The following SYNJ2 variants were observed in gnomAD, a reference collection of about 807,000 sequenced individuals.
SYNJ2 encodes polyphosphatidylinositol phosphatase SYNJ2.
SYNJ2 carries 116 observed loss-of-function variants against 141.3 expected under a neutral mutation model. The ratio of observed to expected loss-of-function variants is 0.82; its 90% CI spans 0.71 to 0.96. SYNJ2 has a LOEUF of 0.96. SYNJ2 is among the 40% of genes least tolerant of loss of function. The probability of loss-of-function intolerance (pLI) is 0.00; values close to 1 mark genes in which losing one functional copy is unlikely to be tolerated. For missense variants in SYNJ2, 1,873 were observed against 1,934.8 expected (o/e 0.97, Z 0.60); for synonymous variants, 745 against 777.7 (o/e 0.96, Z 0.70).
intron 2 of SYNJ2, chr6:158,028,159 G>A (rs138991150): frequency 2.6e-5 from 4 of 155,316 alleles, no homozygotes; most frequent in Non-Finnish European, 4.3e-5. Context: ...GTGGGGCAGG[G>A]ATGGGCTGCA....
rs1239100124 is a variant in SYNJ2, at chr6:157,982,021, C to T, written c.60C>T (p.Ser20=). Residue 20 remains serine, a synonymous_variant, in exon 1 of 27, where the codon AGC becomes AGT. Transcript: ENST00000355585. The surrounding 1 kb of genome is among the most constrained non-coding windows in gnomAD (Gnocchi z 4.0). ...GCCTGGGGGCCGAGGGGGACTGTAG[C>T]GTGCTGCTGGAGGCGCGCGGCCGCG... The part of the protein sequence containing the change: ...LGRLGAEGDC[S]VLLEARGRDD... The T allele has an allele frequency of 7.5e-7, 1 of 1,329,214 alleles. No individual in the cohort carries two copies. 82.3% of individuals were successfully genotyped at this position (1,329,214 alleles called of 1,614,324 possible).
At chr6:158,033,402 A>G in intron 3 of SYNJ2, 53 bp from the exon 4 acceptor site, 1 of 1,577,766 alleles carries the variant, frequency 6.3e-7, no homozygotes, top group Non-Finnish European at 8.7e-7. Context: ...TCCAGGCAGC[A>G]TGTATTGGAG....
At chr6:158,020,171 A>G (rs1192984827) in intron 2 of SYNJ2, among the ~76,000 whole-genome samples, 5 of 148,228 alleles carry the variant, frequency 3.4e-5, no homozygotes, top group African/African-American at 1.0e-4. Context: ...TATGACTCCA[A>G]TTGTGTGACC....
chr6:158,033,826 C>T (rs898512618), intron 4 of SYNJ2, 146 bp downstream of exon 4: 7 of 761,096 alleles, frequency 9.2e-6, no homozygotes, highest in Non-Finnish European at 1.2e-5. Flanking sequence ...GAGAACAGCA[C>T]GTGTAATTGG....
intron 1 of SYNJ2, among the ~76,000 whole-genome samples, chr6:158,014,416 T>A (rs149050471): frequency 1.8e-3 from 271 of 152,376 alleles, no homozygotes; most frequent in African/African-American, 6.3e-3. Flanking sequence ...GACAAAAATG[T>A]TGCAACCTGA....
At chr6:158,007,209 C>A (rs1778105923) in intron 1 of SYNJ2, among the ~76,000 whole-genome samples, 1 of 151,586 alleles carries the variant, frequency 6.6e-6, no homozygotes, top group Non-Finnish European at 1.5e-5. Flanking sequence ...CTCAAGTGAT[C>A]CTCCCATCTC....
At chr6:158,066,878 C>T (rs1358898407) in intron 12 of SYNJ2, among the ~76,000 whole-genome samples, 1 of 152,154 alleles carries the variant, frequency 6.6e-6, no homozygotes, top group African/African-American at 2.4e-5. Flanking sequence ...TCTTTGCATA[C>T]AGTGATGGTG....
intron 5 of SYNJ2, among the ~76,000 whole-genome samples, chr6:158,053,838 A>G (rs1780706953): frequency 6.8e-6 from 1 of 146,344 alleles, no homozygotes; most frequent in Admixed American, 6.8e-5. Context: ...CCACCCATCC[A>G]TCCATCCTCA....
At chr6:158,025,418 G>A (rs905533835) in intron 2 of SYNJ2, among the ~76,000 whole-genome samples, 1 of 152,212 alleles carries the variant, frequency 6.6e-6, no homozygotes, top group Non-Finnish European at 1.5e-5. Flanking sequence ...GTTCACACCT[G>A]TAATCCCAGC....
intron 2 of SYNJ2, 45 bp from the exon 3 acceptor site, chr6:158,028,711 G>A (rs766445875): frequency 3.9e-5 from 63 of 1,595,026 alleles, no homozygotes; most frequent in Admixed American, 2.2e-4. Flanking sequence ...CCAGGCGGCC[G>A]GGCCGACTTC....
chr6:158,029,070 T>G, intron 3 of SYNJ2, 44 bp downstream of exon 3: 2 of 1,604,114 alleles, frequency 1.2e-6, no homozygotes, highest in Non-Finnish European at 1.7e-6. Flanking sequence ...CTGGGTCTCC[T>G]GCAGAGGGTG....
chr6:157,982,089 G>C lies in SYNJ2; in HGVS notation c.127+1G>C. Reference sequence around the variant, plus strand: ...GAGGCCGGCACGGTGGCCACGCTGGGTGAGTCCGGGCCGGGGGCAGCGACG... The same window carrying C: ...GAGGCCGGCACGGTGGCCACGCTGGCTGAGTCCGGGCCGGGGGCAGCGACG... On this transcript the variant is annotated splice_donor_variant, in intron 1 of 26. Transcript: ENST00000355585. LOFTEE classifies it high-confidence loss of function. The surrounding 1 kb of genome is among the most constrained non-coding windows in gnomAD (Gnocchi z 4.0). The C allele has an allele frequency of 7.5e-7, 1 of 1,333,062 alleles. No homozygotes were observed. Among genetic ancestry groups the C allele is most frequent in the East Asian group, 3.1e-5 (1 of 32,208 alleles). 82.6% of individuals were successfully genotyped at this position (1,333,062 alleles called of 1,614,324 possible).
rs1562351055 is a variant in SYNJ2 at position 158,043,002 on chromosome 6, G to A, written c.712-314G>A. On this transcript the variant is annotated intron_variant, in intron 4 of 26. Transcript: ENST00000355585. The surrounding 1 kb of genome is among the most constrained non-coding windows in gnomAD (Gnocchi z 4.0). ...ACTTCTATTCATACAGGGGGTGGCG[G>A]AAGGCTGTTCCTGGGATTTTCAGGG... Among the ~76,000 whole-genome samples, 1 of 152,222 alleles carries A rather than the reference G, an allele frequency of 6.6e-6. No homozygotes were observed. Among genetic ancestry groups the A allele is most frequent in the Non-Finnish European group, 1.5e-5 (1 of 68,034 alleles).
At position 158,069,589 on chromosome 6, in the gene SYNJ2, A is replaced by G. The variant is rs373258920; in HGVS notation, c.1856A>G (p.His619Arg). ...CTTCAGAAAGCCATCTCACGCTCTC[A>G]TAGATACATTCTGTTGACTTCGGCA... Reference protein sequence around the residue: ...EQLQKAISRSHRYILLTSAQL... With the variant: ...EQLQKAISRSRRYILLTSAQL... Residue 619 changes from histidine (H) to arginine (R), a missense_variant, in exon 14 of 27, where the codon CAT becomes CGT. Physicochemically the swap from His to Arg is conservative, Grantham distance 29. Coordinates refer to ENST00000355585, the MANE Select transcript of SYNJ2 (RefSeq NM_003898.4). The G allele has an allele frequency of 1.2e-6, 2 of 1,613,996 alleles. No individual in the cohort carries two copies. The highest frequency in any genetic ancestry group is 1.7e-6 in the Non-Finnish European group (2 of 1,179,990).
At chr6:158,063,996 A>T in intron 9 of SYNJ2, 124 bp downstream of exon 9, 1 of 986,994 alleles carries the variant, frequency 1.0e-6, no homozygotes, top group South Asian at 1.5e-5. Flanking sequence ...CCTTCTGACT[A>T]TGGGGAAGGT....
At chr6:158,055,491 T>C (rs1286790272) in intron 6 of SYNJ2, among the ~76,000 whole-genome samples, 4 of 148,736 alleles carry the variant, frequency 2.7e-5, no homozygotes, top group African/African-American at 1.0e-4. Context: ...TAGAAAACAA[T>C]TTTGGCATTT....
At chr6:158,083,735 A>G in intron 21 of SYNJ2, 138 bp downstream of exon 21, 1 of 1,187,436 alleles carries the variant, frequency 8.4e-7, no homozygotes. Context: ...CCATGTGATG[A>G]GCATGTTTGT....
At position 158,033,487 on chromosome 6, in the gene SYNJ2, A is replaced by C; in HGVS notation, c.518A>C (p.His173Pro). The C allele has an allele frequency of 6.2e-7, 1 of 1,614,212 alleles. No homozygotes were observed. Among genetic ancestry groups the C allele is most frequent in the Non-Finnish European group, 8.5e-7 (1 of 1,180,026 alleles). ...NQLLHVPLRQHQVSCCDWLLK... is the reference protein window; with the variant it reads ...NQLLHVPLRQPQVSCCDWLLK... Reference sequence around the variant, plus strand: ...CTGTTGCACGTGCCCTTGAGGCAGCACCAGGTGAGCTGCTGTGACTGGCTG... The same window carrying C: ...CTGTTGCACGTGCCCTTGAGGCAGCCCCAGGTGAGCTGCTGTGACTGGCTG... Residue 173 changes from histidine (H) to proline (P), a missense_variant, in exon 4 of 27, where the codon CAC becomes CCC. Coordinates refer to ENST00000355585, the MANE Select transcript of SYNJ2 (RefSeq NM_003898.4).
intron 22 of SYNJ2, among the ~76,000 whole-genome samples, chr6:158,085,444 G>A (rs2765230): frequency 0.1 from 15,608 of 152,206 alleles, 861 homozygotes; most frequent in African/African-American, 0.12. Flanking sequence ...GCCTCTAGCT[G>A]TCAATCACTG....
Sources: allele counts gnomAD v4.1 joint callset (sites outside exome capture counted in the v4.1 genomes callset), GRCh38; gene constraint gnomAD v4.1.1; non-coding constraint Gnocchi (gnomAD v3.1); transcripts MANE v1.5; gene names NCBI Gene and HGNC (gene_info 2026-07-23, HGNC 2026-07-21).